Variants in CSTF3 observed in about 807,000 individuals in gnomAD.
CSTF3 encodes CF-1 77 kDa subunit.
In CSTF3, 29 loss-of-function variants were observed where a neutral mutation model predicts 105.8. That is an observed-to-expected ratio of 0.27 (90% CI 0.20 to 0.37). The LOEUF (loss-of-function observed/expected upper bound fraction) is 0.37. CSTF3 is among the 10% of genes least tolerant of loss of function. The pLI is 1.00. For missense variants in CSTF3, 357 were observed against 879.3 expected, an observed-to-expected ratio of 0.41 and a Z score of 7.51; for synonymous variants, 252 against 281.9, an observed-to-expected ratio of 0.89 and a Z score of 1.06.
intron 3 of CSTF3, among the ~76,000 whole-genome samples, chr11:33,111,617 C>T (rs1855379920): frequency 6.6e-6 from 1 of 152,134 alleles, no homozygotes; most frequent in Admixed American, 6.5e-5. Flanking sequence ...AAAGACTTTA[C>T]TATCATCTAT....
At chr11:33,133,671 C>T (rs1201959405) in intron 3 of CSTF3, among the ~76,000 whole-genome samples, 1 of 152,136 alleles carries the variant, frequency 6.6e-6, no homozygotes, top group East Asian at 1.9e-4. Flanking sequence ...ATGGTGAAAC[C>T]CCATCTCTAC....
chr11:33,143,548 A>C (rs913745496), intron 1 of CSTF3, among the ~76,000 whole-genome samples: 1 of 152,080 alleles, frequency 6.6e-6, no homozygotes, highest in Non-Finnish European at 1.5e-5. Context: ...CCAGGAGTTC[A>C]AGACCAGCCA....
chr11:33,098,651 A>G, intron 13 of CSTF3, 39 bp downstream of exon 13: 1 of 1,182,256 alleles, frequency 8.5e-7, no homozygotes. Context: ...GTTAGATAAG[A>G]CTGTAAAGGT....
chr11:33,126,115 T>C (rs1405074835), intron 3 of CSTF3, among the ~76,000 whole-genome samples: 1 of 152,138 alleles, frequency 6.6e-6, no homozygotes, highest in Non-Finnish European at 1.5e-5. Flanking sequence ...TAAAATCCAA[T>C]GTTCACTGAG....
intron 1 of CSTF3, among the ~76,000 whole-genome samples, chr11:33,152,967 AT>A (rs1849807101): frequency 1.3e-5 from 2 of 152,060 alleles, no homozygotes; most frequent in Admixed American, 1.3e-4. Flanking sequence ...AAAAAAAAAA[AT>A]AACAATAATA....
intron 1 of CSTF3, among the ~76,000 whole-genome samples, chr11:33,159,451 G>A (rs776172994): frequency 6.6e-6 from 1 of 151,972 alleles, no homozygotes; most frequent in Non-Finnish European, 1.5e-5. Flanking sequence ...ACAAAAATTA[G>A]CGGGGCATGG....
At chr11:33,093,045 C>T (rs961757948) in intron 15 of CSTF3, among the ~76,000 whole-genome samples, 15 of 152,112 alleles carry the variant, frequency 9.9e-5, no homozygotes, top group African/African-American at 3.6e-4. Flanking sequence ...GAACTGTACA[C>T]CTAATGGATG....
At chr11:33,117,857 T>C (rs994242670) in intron 3 of CSTF3, among the ~76,000 whole-genome samples, 2 of 151,866 alleles carry the variant, frequency 1.3e-5, no homozygotes, top group Non-Finnish European at 2.9e-5. Flanking sequence ...TGGAAATATA[T>C]CCATAGTACA....
intron 18 of CSTF3, among the ~76,000 whole-genome samples, chr11:33,086,204 A>G (rs1000963113): frequency 6.6e-6 from 1 of 152,242 alleles, no homozygotes; most frequent in Admixed American, 6.5e-5. Flanking sequence ...GACTTTGTGT[A>G]AGACAACCAG....
rs559497428 is a variant in CSTF3 at position 33,132,965 on chromosome 11, T to A, written c.225+8702A>T. Among the ~76,000 whole-genome samples, 9 of 152,196 alleles carry A rather than the reference T, an allele frequency of 5.9e-5. No individual in the cohort carries two copies. The South Asian group carries it at 1.9e-3, about 32-fold the overall frequency. ...TAATATATATGTAACATACAATATA[T>A]ATAACCTAATGCTTGAAGTAACAAT... On this transcript the variant is annotated intron_variant, in intron 3 of 20. Coordinates refer to ENST00000323959, the MANE Select transcript of CSTF3 (RefSeq NM_001326.3).
chr11:33,091,463 T>C (rs139585793), intron 16 of CSTF3, among the ~76,000 whole-genome samples: 1 of 152,332 alleles, frequency 6.6e-6, no homozygotes, highest in Non-Finnish European at 1.5e-5. Flanking sequence ...CTATGAAATT[T>C]GCCATCTAGC....
chr11:33,132,744 A>C (rs974341848), intron 3 of CSTF3, among the ~76,000 whole-genome samples: 1 of 152,234 alleles, frequency 6.6e-6, no homozygotes, highest in Non-Finnish European at 1.5e-5. Context: ...CTAACAACTG[A>C]AAACTTTTAA....
intron 13 of CSTF3, among the ~76,000 whole-genome samples, chr11:33,097,446 T>G (rs1855234267): frequency 6.6e-6 from 1 of 152,160 alleles, no homozygotes; most frequent in Non-Finnish European, 1.5e-5. Context: ...CTTGGCTCAC[T>G]GCAACCTCTG....
chr11:33,112,883 ATT>A (rs1365595090), intron 3 of CSTF3, among the ~76,000 whole-genome samples: 1 of 152,142 alleles, frequency 6.6e-6, no homozygotes, highest in Non-Finnish European at 1.5e-5. Flanking sequence ...AAATGTCTCC[ATT>A]TAAAGACCAT....
intron 3 of CSTF3, among the ~76,000 whole-genome samples, chr11:33,138,129 CT>C (rs1426068090): frequency 1.3e-5 from 2 of 151,684 alleles, no homozygotes; most frequent in African/African-American, 4.8e-5. Context: ...TCTCTATATG[CT>C]TTTATTAAAG....
At chr11:33,156,203 T>G (rs748637960) in intron 1 of CSTF3, among the ~76,000 whole-genome samples, 1 of 152,078 alleles carries the variant, frequency 6.6e-6, no homozygotes, top group Admixed American at 6.5e-5. Flanking sequence ...CAAGCATCAC[T>G]AAAAATAGGA....
chr11:33,157,049 AT>A (rs1849875109), intron 1 of CSTF3, among the ~76,000 whole-genome samples: 1 of 151,710 alleles, frequency 6.6e-6, no homozygotes, highest in South Asian at 2.1e-4. Context: ...TGAATCAGGC[AT>A]TAAAAAAAAC....
intron 13 of CSTF3, among the ~76,000 whole-genome samples, 184 bp downstream of exon 13, chr11:33,098,506 T>C (rs1480428858): frequency 1.3e-5 from 2 of 152,086 alleles, no homozygotes; most frequent in Admixed American, 6.6e-5. Context: ...CATGGGGGAA[T>C]TTTTGGAGGA....
chr11:33,148,971 C>T (rs4756083), intron 1 of CSTF3, among the ~76,000 whole-genome samples: 84,032 of 150,926 alleles, frequency 0.56, 25,969 homozygotes, highest in Non-Finnish European at 0.69. Flanking sequence ...GGACTACAGG[C>T]GTGTACCACC....
Sources: allele counts gnomAD v4.1 joint callset (sites outside exome capture counted in the v4.1 genomes callset), GRCh38; gene constraint gnomAD v4.1.1; transcripts MANE v1.5; gene names NCBI Gene and HGNC (gene_info 2026-07-23, HGNC 2026-07-21).